The following SOBP variants were observed in gnomAD, a reference collection of about 807,000 sequenced individuals.
The protein encoded by SOBP is sine oculis binding protein homolog, also known as sine oculis-binding protein homolog.
In SOBP, 4 loss-of-function variants were observed where a neutral mutation model predicts 53.6. The ratio of observed to expected loss-of-function variants is 0.07; its 90% confidence interval spans 0.04 to 0.17. SOBP has a LOEUF of 0.17. Ranked by LOEUF, SOBP falls within the 10% of genes least tolerant of loss-of-function variation. The pLI, the probability that SOBP is intolerant of heterozygous loss-of-function variation, is 1.00. For missense variants in SOBP, 1,088 were observed against 1,204.7 expected (o/e 0.90, Z 1.43); for synonymous variants, 584 against 522.6 (o/e 1.12, Z -1.60).
chr6:107,502,402 A>G (rs1782866160), intron 1 of SOBP, among the ~76,000 whole-genome samples: 1 of 152,216 alleles, frequency 6.6e-6, no homozygotes, highest in East Asian at 1.9e-4. Context: ...TTTAAGGCAC[A>G]CATAAGCATT....
intron 6 of SOBP, among the ~76,000 whole-genome samples, chr6:107,642,720 G>A (rs1771383865): frequency 2.0e-5 from 3 of 152,136 alleles, no homozygotes; most frequent in African/African-American, 7.2e-5. Context: ...CTGAACCTCT[G>A]GTTTGTTGTC....
intron 6 of SOBP, among the ~76,000 whole-genome samples, chr6:107,641,313 TC>T (rs1771308378): frequency 6.6e-6 from 1 of 152,240 alleles, no homozygotes; most frequent in Non-Finnish European, 1.5e-5. Context: ...TACAGACTTT[TC>T]TTCAAGTTAC....
At position 107,634,077 on chromosome 6, in the gene SOBP, C is replaced by T; in HGVS notation, c.1233C>T (p.Phe411=). 6.2e-7 allele frequency: 1 copy of T among 1,600,184 alleles called. No individual in the cohort carries two copies. Among genetic ancestry groups the T allele is most frequent in the Non-Finnish European group, 8.5e-7 (1 of 1,172,456 alleles). The change falls in exon 6 of 7, where the codon TTC becomes TTT. Residue 411 remains phenylalanine (F), a synonymous_variant. Transcript: ENST00000317357. The surrounding 1 kb of genome is among the most constrained non-coding windows in gnomAD (Gnocchi z 4.5). ...TCATGCAGCAGATCCGCCCGCCCTT[C>T]ATCCGCGGGCCTCCGCACCATGCCT... ...QQIMQQIRPP[F]IRGPPHHASN... is the part of the protein sequence containing the mutation.
At position 107,598,258 on chromosome 6, in the gene SOBP, A is replaced by C. The variant is rs956619356; in HGVS notation, c.669+11083A>C. 2.0e-5 allele frequency among the ~76,000 whole-genome samples: 3 copies of C among 152,328 alleles called. No homozygotes were observed. The East Asian group carries it at 5.8e-4, about 29-fold the overall frequency. On this transcript the variant is annotated intron_variant, in intron 5 of 6. Transcript: ENST00000317357. ...AAGTGCCAGATGGTGTGGCATGGTG[A>C]CTAGACAATAGGAATACGTATTAAA...
At chr6:107,617,195 G>A (rs1373174598) in intron 5 of SOBP, among the ~76,000 whole-genome samples, 1 of 152,154 alleles carries the variant, frequency 6.6e-6, no homozygotes. Context: ...TCACTGCAGT[G>A]TGGGGTTATC....
At chr6:107,632,333 A>G (rs1770751826) in intron 5 of SOBP, among the ~76,000 whole-genome samples, 1 of 150,318 alleles carries the variant, frequency 6.7e-6, no homozygotes, top group South Asian at 2.2e-4. Flanking sequence ...CCCCCCCCCA[A>G]AAAAAAGGAA....
At chr6:107,496,630 C>T (rs560359497) in intron 1 of SOBP, among the ~76,000 whole-genome samples, 98 of 152,226 alleles carry the variant, frequency 6.4e-4, no homozygotes, top group Non-Finnish European at 1.1e-3. Flanking sequence ...GCATAGGAAC[C>T]ATCTTCAAAG....
At chr6:107,532,274 A>ACAC (rs1562594196) in intron 3 of SOBP, among the ~76,000 whole-genome samples, 35 of 142,896 alleles carry the variant, frequency 2.4e-4, no homozygotes, top group Non-Finnish European at 3.5e-4. Flanking sequence ...CACACACACC[A>ACAC]CACACACACA....
At chr6:107,499,919 A>G (rs986009840) in intron 1 of SOBP, among the ~76,000 whole-genome samples, 4 of 152,196 alleles carry the variant, frequency 2.6e-5, no homozygotes, top group African/African-American at 7.2e-5. Flanking sequence ...TCACATATAT[A>G]TGTATGAAAC....
At position 107,539,412 on chromosome 6, in the gene SOBP, C is replaced by G. The variant is rs570215069; in HGVS notation, c.573+5802C>G. Among the ~76,000 whole-genome samples the G allele has an allele frequency of 1.1e-4, 17 of 152,288 alleles. 1 individual carries two copies. In the South Asian group the frequency reaches 3.5e-3, roughly 32 times the overall value. ...AATCAGAATCCGGTCACCTGGGGAT[C>G]AATACACAGTGCTATTGACATATAT... On this transcript the variant is annotated intron_variant, in intron 4 of 6. Coordinates refer to ENST00000317357, the MANE Select transcript of SOBP (RefSeq NM_018013.4).
chr6:107,585,813 T>G (rs1413033838), intron 4 of SOBP, among the ~76,000 whole-genome samples: 2 of 152,132 alleles, frequency 1.3e-5, no homozygotes, highest in African/African-American at 4.8e-5. Flanking sequence ...ATGTACAAAA[T>G]ATGGATCTCT....
At position 107,660,822 on chromosome 6, in the gene SOBP, G is replaced by A. The variant is rs1772264731; in HGVS notation, c.*2619G>A. On this transcript the variant is annotated 3_prime_UTR_variant, in exon 7 of 7. Coordinates refer to ENST00000317357, the MANE Select transcript of SOBP (RefSeq NM_018013.4). ...AGTTGATTTAGCTTCTCAAAAAAAT[G>A]AATGTTCATTAAAATCTGAGGCACC... is the stretch of plus-strand genomic sequence containing the variant. Among the ~76,000 whole-genome samples, 1 of 152,188 alleles carries A rather than the reference G, an allele frequency of 6.6e-6. No homozygotes were observed. The highest frequency in any genetic ancestry group is 2.4e-5 in the African/African-American group (1 of 41,450).
At chr6:107,607,977 G>A (rs1786451176) in intron 5 of SOBP, among the ~76,000 whole-genome samples, 1 of 152,086 alleles carries the variant, frequency 6.6e-6, no homozygotes, top group Non-Finnish European at 1.5e-5. Context: ...GGAAAGGATG[G>A]GCTACCCACT....
chr6:107,596,749 T>C (rs1340857206), intron 5 of SOBP, among the ~76,000 whole-genome samples: 1 of 152,218 alleles, frequency 6.6e-6, no homozygotes, highest in African/African-American at 2.4e-5. Flanking sequence ...AATCTCTTTC[T>C]CTGTCTCTCT....
At chr6:107,598,287 T>C (rs965411393) in intron 5 of SOBP, among the ~76,000 whole-genome samples, 7 of 152,154 alleles carry the variant, frequency 4.6e-5, no homozygotes, top group Non-Finnish European at 1.0e-4. Context: ...TATTAAAATA[T>C]GTATGTGTGC....
chr6:107,604,960 C>A (rs1189160463), intron 5 of SOBP, among the ~76,000 whole-genome samples: 3 of 152,160 alleles, frequency 2.0e-5, no homozygotes, highest in Non-Finnish European at 4.4e-5. Flanking sequence ...CATAAAAATT[C>A]TTTGGCCCAT....
intron 6 of SOBP, among the ~76,000 whole-genome samples, chr6:107,641,716 A>G (rs1038202656): frequency 3.9e-5 from 6 of 152,198 alleles, no homozygotes; most frequent in Non-Finnish European, 7.3e-5. Flanking sequence ...TTGCCAGCCT[A>G]AGCTGCTGCC....
At chr6:107,587,483 A>G (rs1462039722) in intron 5 of SOBP, among the ~76,000 whole-genome samples, 1 of 152,162 alleles carries the variant, frequency 6.6e-6, no homozygotes, top group Non-Finnish European at 1.5e-5. Flanking sequence ...CAGTTGATAT[A>G]TGTAGCTTGG....
chr6:107,643,252 TC>T (rs1406650782), intron 6 of SOBP, among the ~76,000 whole-genome samples: 4 of 152,212 alleles, frequency 2.6e-5, no homozygotes, highest in African/African-American at 9.7e-5. Context: ...GGTTTAAGTT[TC>T]TCTGCAAAGC....
Sources: gnomAD v4.1 joint callset for allele counts (sites outside exome capture counted in the v4.1 genomes callset) on GRCh38, gnomAD v4.1.1 for gene constraint, Gnocchi (gnomAD v3.1) non-coding constraint, MANE v1.5 for transcripts, NCBI Gene and HGNC (gene_info 2026-07-23, HGNC 2026-07-21) for gene names.